Variants in MOB3B observed in about 807,000 individuals in gnomAD.
MOB3B encodes MOB kinase activator-like 2B.
In MOB3B, 7 loss-of-function variants were observed where a neutral mutation model predicts 18.7. The observed-to-expected ratio is 0.37, with a 90% CI of 0.21 to 0.70. The LOEUF (loss-of-function observed/expected upper bound fraction) is 0.70. Ranked by LOEUF, MOB3B falls within the 30% of genes least tolerant of loss-of-function variation. The pLI, the probability that MOB3B is intolerant of heterozygous loss-of-function variation, is 0.52. For missense variants in MOB3B, 253 were observed against 281.3 expected, an observed-to-expected ratio of 0.90 and a Z score of 0.72; for synonymous variants, 111 against 99.9, an observed-to-expected ratio of 1.11 and a Z score of -0.66.
intron 2 of MOB3B, among the ~76,000 whole-genome samples, chr9:27,446,225 T>G (rs1822690461): frequency 9.5e-6 from 1 of 105,090 alleles, no homozygotes; most frequent in Non-Finnish European, 2.0e-5. Flanking sequence ...TCCCAATTTT[T>G]GGGAATACAT....
rs1025068062 is a variant in MOB3B at position 27,401,656 on chromosome 9, A to C, written c.419-42420T>G. 3.3e-5 allele frequency among the ~76,000 whole-genome samples: 5 copies of C among 152,212 alleles called. No homozygotes were observed. The South Asian group carries it at 6.2e-4, about 19-fold the overall frequency. ...GCAGTCTTCTGATCTGCTAACATCC[A>C]AGGTACCTAATGGAGCACATCTAGA... On this transcript the variant is annotated intron_variant, in intron 2 of 3. Transcript: ENST00000262244.
intron 2 of MOB3B, among the ~76,000 whole-genome samples, chr9:27,404,240 T>C (rs1398333211): frequency 1.3e-5 from 2 of 151,982 alleles, no homozygotes; most frequent in African/African-American, 4.8e-5. Flanking sequence ...ATTTCCTCCA[T>C]CTATGCTGTT....
chr9:27,522,392 T>A (rs1157940063), intron 1 of MOB3B, among the ~76,000 whole-genome samples: 1 of 145,966 alleles, frequency 6.9e-6, no homozygotes, highest in South Asian at 2.2e-4. Context: ...TGACTCAAAA[T>A]TTTTGCATAT....
At chr9:27,494,606 C>T (rs1431342985) in intron 1 of MOB3B, among the ~76,000 whole-genome samples, 1 of 152,204 alleles carries the variant, frequency 6.6e-6, no homozygotes, top group Non-Finnish European at 1.5e-5. Context: ...CCTCCGCCCT[C>T]TGGGTTTAAG....
rs151304916 is a variant in MOB3B at position 27,475,640 on chromosome 9, T to G, written c.-198-19892A>C. Among the ~76,000 whole-genome samples, 1,075 of 152,260 alleles carry G rather than the reference T, an allele frequency of 7.1e-3. 10 individuals are homozygous for G. Among genetic ancestry groups the G allele is most frequent in the African/African-American group, 0.024 (991 of 41,558 alleles). Reference sequence around the variant, plus strand: ...TCAAAAAGCAAATTGCAAAACAACATGTGACTTTTAAAAAATGGCAGATAT... The same window carrying G: ...TCAAAAAGCAAATTGCAAAACAACAGGTGACTTTTAAAAAATGGCAGATAT... On this transcript the variant is annotated intron_variant, in intron 1 of 3. Transcript: ENST00000262244.
chr9:27,401,649 A>G (rs1289488748), intron 2 of MOB3B, among the ~76,000 whole-genome samples: 1 of 152,220 alleles, frequency 6.6e-6, no homozygotes, highest in Non-Finnish European at 1.5e-5. Flanking sequence ...CTGATCTGCT[A>G]ACATCCAAGG....
chr9:27,512,915 G>T (rs559198878), intron 1 of MOB3B, among the ~76,000 whole-genome samples: 10 of 152,176 alleles, frequency 6.6e-5, no homozygotes, highest in Admixed American at 2.6e-4. Context: ...GTACACACAG[G>T]AAAGTACATC....
At chr9:27,526,398 T>C (rs1400136023) in intron 1 of MOB3B, 1 of 152,238 alleles carries the variant, frequency 6.6e-6, no homozygotes, top group African/African-American at 2.4e-5. Context: ...TACTACAAGC[T>C]TGTAAAGGAG....
chr9:27,450,702 C>T (rs894667029), intron 2 of MOB3B, among the ~76,000 whole-genome samples: 1 of 152,162 alleles, frequency 6.6e-6, no homozygotes, highest in East Asian at 1.9e-4. Context: ...GACAAAGGCA[C>T]AGATTTCTGG....
At position 27,529,668 on chromosome 9, in the gene MOB3B, C is replaced by T. The variant is rs77812016; in HGVS notation, c.-312G>A. On this transcript the variant is annotated 5_prime_UTR_variant, in exon 1 of 4. An upstream open reading frame in the 5' UTR gains an earlier in-frame stop. Transcript: ENST00000262244. ...GCAGGTGGGGCGTCGCTTGCCAATC[C>T]ACGCAAGGGACTCTGCCGCCGGTGC... 103,083 of 985,428 alleles carry T rather than the reference C, an allele frequency of 0.1. 5,654 individuals are homozygous for T. The highest frequency in any genetic ancestry group is 0.11 in the Non-Finnish European group (93,288 of 829,924). 61.0% of individuals were successfully genotyped at this position (985,428 alleles called of 1,614,324 possible).
intron 1 of MOB3B, among the ~76,000 whole-genome samples, chr9:27,485,193 C>G (rs144761353): frequency 6.6e-6 from 1 of 152,132 alleles, no homozygotes; most frequent in African/African-American, 2.4e-5. Context: ...ATTTAATCCT[C>G]GAAACAACCC....
intron 1 of MOB3B, among the ~76,000 whole-genome samples, chr9:27,487,324 A>G (rs1052413093): frequency 6.6e-6 from 1 of 152,070 alleles, no homozygotes; most frequent in African/African-American, 2.4e-5. Context: ...CATAGTAAAG[A>G]CAGAGAACAT....
At chr9:27,435,981 G>T (rs1392089926) in intron 2 of MOB3B, among the ~76,000 whole-genome samples, 1 of 152,124 alleles carries the variant, frequency 6.6e-6, no homozygotes. Context: ...CTCACTCATT[G>T]CACAGTACTC....
At chr9:27,466,026 C>T (rs544429438) in intron 1 of MOB3B, among the ~76,000 whole-genome samples, 3 of 152,266 alleles carry the variant, frequency 2.0e-5, no homozygotes, top group East Asian at 1.9e-4. Flanking sequence ...AGGCTCCTTG[C>T]TCCTTATGCA....
rs992334856 is a variant in MOB3B at position 27,407,420 on chromosome 9, A to G, written c.418+47713T>C. 1.8e-4 allele frequency among the ~76,000 whole-genome samples: 28 copies of G among 152,320 alleles called. 1 individual carries two copies. Among genetic ancestry groups the G allele is most frequent in the South Asian group, 2.1e-4 (1 of 4,824 alleles). On this transcript the variant is annotated intron_variant, in intron 2 of 3. Transcript: ENST00000262244. ...TGAGTCTTCCATCAAAGGGAGAGGAAGCAACTCACTCAGAAGTGTGGAGAA... is the reference window on the plus strand; with the variant it reads ...TGAGTCTTCCATCAAAGGGAGAGGAGGCAACTCACTCAGAAGTGTGGAGAA...
chr9:27,488,700 G>A (rs1819768704), intron 1 of MOB3B, among the ~76,000 whole-genome samples: 1 of 152,178 alleles, frequency 6.6e-6, no homozygotes, highest in African/African-American at 2.4e-5. Flanking sequence ...GAGCCACTGC[G>A]CCCTGCCTGG....
chr9:27,463,001 A>G (rs1819317655), intron 1 of MOB3B, among the ~76,000 whole-genome samples: 1 of 152,258 alleles, frequency 6.6e-6, no homozygotes, highest in African/African-American at 2.4e-5. Context: ...AGTGGCTAAC[A>G]GCACACAGCT....
At chr9:27,423,093 C>T (rs958374519) in intron 2 of MOB3B, among the ~76,000 whole-genome samples, 1 of 152,188 alleles carries the variant, frequency 6.6e-6, no homozygotes, top group African/African-American at 2.4e-5. Flanking sequence ...TCAGGATACT[C>T]ATGCTGTTCA....
At chr9:27,465,792 T>A (rs114934072) in intron 1 of MOB3B, among the ~76,000 whole-genome samples, 234 of 152,322 alleles carry the variant, frequency 1.5e-3, no homozygotes, top group African/African-American at 5.3e-3. Context: ...TTCCACCCTC[T>A]GAAGCCACAC....
Sources: gnomAD v4.1 joint callset for allele counts (sites outside exome capture counted in the v4.1 genomes callset) on GRCh38, gnomAD v4.1.1 for gene constraint, MANE v1.5 for transcripts, NCBI Gene and HGNC (gene_info 2026-07-23, HGNC 2026-07-21) for gene names.